CORO2A: variants seen among roughly 807,000 people sequenced by gnomAD.
CORO2A encodes coronin-2A.
Under a neutral mutation model 62.4 loss-of-function variants are expected in CORO2A, and 47 were observed. That is an observed-to-expected ratio of 0.75 (90% CI 0.60 to 0.96). The LOEUF (loss-of-function observed/expected upper bound fraction) is 0.96. Ranked by LOEUF, CORO2A falls within the 40% of genes least tolerant of loss-of-function variation. The pLI, the probability that CORO2A is intolerant of heterozygous loss-of-function variation, is 0.00. For synonymous variants in CORO2A, 273 were observed against 268.9 expected (o/e 1.02, Z -0.15); for missense variants, 610 against 684.1 (o/e 0.89, Z 1.21).
intron 10 of CORO2A, 40 bp from the exon 11 acceptor site, chr9:98,126,863 CG>C (rs764668209): frequency 9.3e-6 from 15 of 1,611,050 alleles, no homozygotes; most frequent in Admixed American, 1.7e-5. Flanking sequence ...GGGGTGCCCA[CG>C]GGAAGATGGG....
rs73655199 is a variant in CORO2A, at chr9:98,145,201, G to A, written c.202-7513C>T. Among the ~76,000 whole-genome samples the A allele has an allele frequency of 6.0e-3, 910 of 152,260 alleles. 6 individuals carry two copies. The highest frequency in any genetic ancestry group is 0.021 in the African/African-American group (873 of 41,538). On this transcript the variant is annotated intron_variant, in intron 2 of 11. Coordinates refer to ENST00000375077, the MANE Select transcript of CORO2A (RefSeq NM_052820.4). ...CCCCACTTGGTCACCTGTGGGGACA[G>A]GGAGCTCACTTCCTCCTGAGGTAAT...
At chr9:98,148,204 G>A (rs769529604) in intron 2 of CORO2A, among the ~76,000 whole-genome samples, 6 of 151,766 alleles carry the variant, frequency 4.0e-5, no homozygotes, top group African/African-American at 7.3e-5. Context: ...AGACCAGCCT[G>A]GCCAACATAG....
At position 98,141,123 on chromosome 9, in the gene CORO2A, C is replaced by CA. The variant is rs368169601; in HGVS notation, c.202-3436dup. On this transcript the variant is annotated intron_variant, in intron 2 of 11. Transcript: ENST00000375077. The stretch of plus-strand genomic sequence containing the variant: ...ACACATTCAGAGGGAGAAAGAGAAC[C>CA]AAAAAAAAAGGAAAGAATGTGGACT... 1.8e-3 allele frequency among the ~76,000 whole-genome samples: 271 copies of CA among 149,418 alleles called. 1 individual carries two copies. Among genetic ancestry groups the CA allele is most frequent in the Middle Eastern group, 3.4e-3 (1 of 292 alleles).
chr9:98,147,465 A>G (rs1827656829), intron 2 of CORO2A, among the ~76,000 whole-genome samples: 1 of 152,210 alleles, frequency 6.6e-6, no homozygotes, highest in Non-Finnish European at 1.5e-5. Context: ...AGTTCATCAT[A>G]TTATTTTTAT....
rs71369555 is a variant in CORO2A, at chr9:98,154,352, T to TATATATATATAC, written c.201+3107_201+3108insGTATATATATAT. 1.5e-3 allele frequency among the ~76,000 whole-genome samples: 141 copies of TATATATATATAC among 94,030 alleles called. 1 individual carries two copies. In the South Asian group the frequency reaches 0.016, roughly 10 times the overall value. The allele number at this position is 94,030 out of a possible 152,430, so 61.7% of individuals were successfully genotyped here. ...GTGTATATATATATATATATATATA[T>TATATATATATAC]ACACAAATACATATATATATATATT... On this transcript the variant is annotated intron_variant, in intron 2 of 11. Transcript: ENST00000375077.
At chr9:98,145,898 G>C (rs982931904) in intron 2 of CORO2A, among the ~76,000 whole-genome samples, 2 of 152,188 alleles carry the variant, frequency 1.3e-5, no homozygotes, top group African/African-American at 4.8e-5. Context: ...TTTTGGTAGA[G>C]ACAGGGTTTT....
At chr9:98,190,461 G>T (rs1445543579) in intron 1 of CORO2A, among the ~76,000 whole-genome samples, 2 of 151,602 alleles carry the variant, frequency 1.3e-5, no homozygotes, top group East Asian at 3.9e-4. Context: ...TGTTTTTTTG[G>T]AGAAAAAAAG....
intron 1 of CORO2A, among the ~76,000 whole-genome samples, chr9:98,176,488 A>C (rs1331595558): frequency 6.6e-6 from 1 of 151,972 alleles, no homozygotes; most frequent in African/African-American, 2.4e-5. Flanking sequence ...AATTTTCCCC[A>C]CTGCCCTACC....
intron 1 of CORO2A, among the ~76,000 whole-genome samples, chr9:98,190,596 C>T (rs567096539): frequency 1.5e-4 from 23 of 152,230 alleles, no homozygotes; most frequent in African/African-American, 5.3e-4. Flanking sequence ...TTGAATGAGA[C>T]GACGTCTGAA....
intron 4 of CORO2A, among the ~76,000 whole-genome samples, chr9:98,133,421 T>C (rs1384140073): frequency 6.6e-6 from 1 of 152,110 alleles, no homozygotes; most frequent in Non-Finnish European, 1.5e-5. Context: ...CCAGGCTGTC[T>C]AGTGGTGAAA....
At chr9:98,161,352 G>A (rs1051846059) in intron 1 of CORO2A, among the ~76,000 whole-genome samples, 4 of 152,074 alleles carry the variant, frequency 2.6e-5, no homozygotes, top group Non-Finnish European at 4.4e-5. Flanking sequence ...TCAGGAGTTC[G>A]AGACCAGCCT....
chr9:98,188,802 AAAAAC>A (rs200969545), intron 1 of CORO2A, among the ~76,000 whole-genome samples: 1 of 152,318 alleles, frequency 6.6e-6, no homozygotes, highest in East Asian at 1.9e-4. Flanking sequence ...AAACAACAAC[AAAAAC>A]AAAACAAAAG....
At chr9:98,149,274 C>T (rs1827691466) in intron 2 of CORO2A, among the ~76,000 whole-genome samples, 1 of 152,112 alleles carries the variant, frequency 6.6e-6, no homozygotes, top group African/African-American at 2.4e-5. Context: ...ACTGGGCATC[C>T]TGTATTTTAT....
Position 98,131,047 on chromosome 9 carries a change from C to T in CORO2A, c.778G>A (p.Val260Met). 1.9e-6 allele frequency: 3 copies of T among 1,612,602 alleles called. No individual in the cohort carries two copies. The highest frequency in any genetic ancestry group is 2.2e-5 in the South Asian group (2 of 90,752). ...TCCAGGTCCTCCTCCATCAGAGGCACAGAGAGGTTATCCTGCAGGGGAAGG... is the reference window on the plus strand; with the variant it reads ...TCCAGGTCCTCCTCCATCAGAGGCATAGAGAGGTTATCCTGCAGGGGAAGG... ...VALWDQDNLS[V>M]PLMEEDLDGS... Residue 260 changes from valine (V) to methionine (M), a missense_variant, in exon 7 of 12, where the codon GTG (valine) becomes ATG (methionine). Physicochemically the swap from Val to Met is conservative, Grantham distance 21. Transcript: ENST00000375077.
At chr9:98,152,391 G>A (rs1827737774) in intron 2 of CORO2A, among the ~76,000 whole-genome samples, 1 of 152,054 alleles carries the variant, frequency 6.6e-6, no homozygotes, top group South Asian at 2.1e-4. Flanking sequence ...CTGGGCTCAA[G>A]GCAGCCTCCT....
At chr9:98,144,708 G>A (rs1483077812) in intron 2 of CORO2A, among the ~76,000 whole-genome samples, 2 of 152,160 alleles carry the variant, frequency 1.3e-5, no homozygotes, top group African/African-American at 4.8e-5. Context: ...CAGGTCAGGT[G>A]GAGGGGAGGA....
At chr9:98,141,421 G>A (rs924192933) in intron 2 of CORO2A, among the ~76,000 whole-genome samples, 1 of 149,004 alleles carries the variant, frequency 6.7e-6, no homozygotes, top group Non-Finnish European at 1.5e-5. Flanking sequence ...GTGCGATCCC[G>A]GATCACTGCA....
chr9:98,183,956 G>GTC (rs1367528032), intron 1 of CORO2A, among the ~76,000 whole-genome samples: 8 of 152,174 alleles, frequency 5.3e-5, no homozygotes, highest in African/African-American at 1.9e-4. Context: ...GCAAGACTCT[G>GTC]TCTTAAAAAT....
intron 3 of CORO2A, among the ~76,000 whole-genome samples, chr9:98,137,264 T>C (rs1827499340): frequency 1.3e-5 from 2 of 152,190 alleles, no homozygotes; most frequent in Non-Finnish European, 2.9e-5. Context: ...TAGCCTTTTA[T>C]AGCTCCCCGA....
Sources: allele counts gnomAD v4.1 joint callset (sites outside exome capture counted in the v4.1 genomes callset), GRCh38; gene constraint gnomAD v4.1.1; transcripts MANE v1.5; gene names NCBI Gene and HGNC (gene_info 2026-07-23, HGNC 2026-07-21).